Variants in PFKP observed in about 807,000 individuals in gnomAD.
The protein encoded by PFKP is phosphofructokinase, platelet, also known as ATP-dependent 6-phosphofructokinase, platelet type.
Under a neutral mutation model 94.3 loss-of-function variants are expected in PFKP, and 101 were observed. The observed-to-expected ratio is 1.07, with a 90% CI of 0.91 to 1.26. The LOEUF is 1.26. Among genes scored for constraint, PFKP ranks in the 50% most tolerant of loss-of-function variants. PFKP has a pLI of 0.00. For missense variants in PFKP, 1,145 were observed against 1,103.3 expected (o/e 1.04, Z -0.53); for synonymous variants, 573 against 432.6 (o/e 1.32, Z -4.03).
At chr10:3,124,330 G>C (rs888995047) in intron 16 of PFKP, among the ~76,000 whole-genome samples, 1 of 152,212 alleles carries the variant, frequency 6.6e-6, no homozygotes, top group Admixed American at 6.5e-5. Context: ...GGGAACAGTG[G>C]GCGTGTGGAC....
intron 2 of PFKP, among the ~76,000 whole-genome samples, chr10:3,097,230 A>G (rs1389490701): frequency 6.6e-6 from 1 of 151,770 alleles, no homozygotes; most frequent in African/African-American, 2.4e-5. Flanking sequence ...ATGGCCTCCA[A>G]GAGTCATTCA....
At chr10:3,087,923 G>A (rs189034695) in intron 2 of PFKP, among the ~76,000 whole-genome samples, 228 of 148,510 alleles carry the variant, frequency 1.5e-3, no homozygotes, top group African/African-American at 5.4e-3. Context: ...AATAAATGTT[G>A]AATCCATTTA....
At chr10:3,129,785 G>T in intron 16 of PFKP, 34 bp from the exon 17 acceptor site, 1 of 1,610,886 alleles carries the variant, frequency 6.2e-7, no homozygotes, top group South Asian at 1.1e-5. Flanking sequence ...CCCCGGGCCT[G>T]GGCTGGAGTG....
chr10:3,130,849 G>A (rs761534069), intron 17 of PFKP, among the ~76,000 whole-genome samples: 40 of 152,294 alleles, frequency 2.6e-4, no homozygotes, highest in Non-Finnish European at 4.6e-4. Flanking sequence ...GAGCCACCGC[G>A]CCCAGCACCA....
chr10:3,071,097 G>A (rs1284971758), intron 1 of PFKP, among the ~76,000 whole-genome samples: 1 of 151,992 alleles, frequency 6.6e-6, no homozygotes, highest in African/African-American at 2.4e-5. Context: ...TGGTGAAGCT[G>A]CTTTATCTAG....
At chr10:3,084,849 C>T (rs1243059400) in intron 2 of PFKP, among the ~76,000 whole-genome samples, 5 of 147,916 alleles carry the variant, frequency 3.4e-5, no homozygotes, top group East Asian at 2.0e-4. Context: ...GTCCTCCACC[C>T]CCTCCCCAGC....
intron 2 of PFKP, among the ~76,000 whole-genome samples, chr10:3,090,889 T>C (rs1197468429): frequency 1.3e-5 from 2 of 152,174 alleles, no homozygotes; most frequent in African/African-American, 4.8e-5. Context: ...TCACCTATAC[T>C]CTAGTTTCTA....
chr10:3,077,561 T>C (rs7080058), intron 1 of PFKP, among the ~76,000 whole-genome samples: 118,791 of 151,690 alleles, frequency 0.78, 46,903 homozygotes, highest in Non-Finnish European at 0.84. Flanking sequence ...GCATCGTGCC[T>C]GGCCTATTCC....
chr10:3,091,100 A>C (rs909962048), intron 2 of PFKP, among the ~76,000 whole-genome samples: 2 of 152,006 alleles, frequency 1.3e-5, no homozygotes, highest in Non-Finnish European at 2.9e-5. Context: ...AACCTGGGCC[A>C]AGCCTACGTG....
chr10:3,136,677 T>C lies in PFKP; in HGVS notation c.*98T>C. ...GCACTTTATGCACGTATTATTGACATTAATACCTAATCGGCGAGTGCCCAT... is the reference window on the plus strand; with the variant it reads ...GCACTTTATGCACGTATTATTGACACTAATACCTAATCGGCGAGTGCCCAT... On this transcript the variant is annotated 3_prime_UTR_variant, in exon 22 of 22. Transcript: ENST00000381125. 7.6e-7 allele frequency: 1 copy of C among 1,323,870 alleles called. No individual in the cohort carries two copies. The highest frequency in any genetic ancestry group is 2.5e-5 in the East Asian group (1 of 39,246). 82.0% of individuals were successfully genotyped at this position (1,323,870 alleles called of 1,614,324 possible).
intron 15 of PFKP, 36 bp from the exon 16 acceptor site, chr10:3,119,856 C>G (rs758962586): frequency 6.2e-7 from 1 of 1,610,014 alleles, no homozygotes; most frequent in South Asian, 1.1e-5. Context: ...TCCCCAGCTT[C>G]CCTCTCGCCC....
rs1588389844 is a variant in PFKP at position 3,077,189 on chromosome 10, G to C, written c.113-5199G>C. On this transcript the variant is annotated intron_variant, in intron 1 of 21. Transcript: ENST00000381125. Reference sequence around the variant, plus strand: ...CGAGGCAGGGAGCTTTATTACTCCAGACAATGGAGGAGGTAAAAGATAGAC... The same window carrying C: ...CGAGGCAGGGAGCTTTATTACTCCACACAATGGAGGAGGTAAAAGATAGAC... Among the ~76,000 whole-genome samples the C allele has an allele frequency of 2.0e-5, 3 of 150,906 alleles. No individual in the cohort carries two copies. In the East Asian group the frequency reaches 5.8e-4, roughly 29 times the overall value.
At chr10:3,114,804 C>A (rs958064733) in intron 13 of PFKP, among the ~76,000 whole-genome samples, 5 of 152,238 alleles carry the variant, frequency 3.3e-5, no homozygotes, top group Non-Finnish European at 7.3e-5. Context: ...GCAGGGCCGG[C>A]TTCTTTGTGG....
chr10:3,071,353 G>A (rs1477022115), intron 1 of PFKP, among the ~76,000 whole-genome samples: 1 of 147,426 alleles, frequency 6.8e-6, no homozygotes, highest in Non-Finnish European at 1.5e-5. Context: ...AATGAAGAAA[G>A]TATTTCTCAG....
chr10:3,110,887 T>C (rs1240369532), intron 10 of PFKP, among the ~76,000 whole-genome samples: 1 of 139,728 alleles, frequency 7.2e-6, no homozygotes, highest in East Asian at 2.0e-4. Context: ...TGCATGTATG[T>C]GTGTGCATGT....
At chr10:3,070,751 G>A (rs564609767) in intron 1 of PFKP, among the ~76,000 whole-genome samples, 2 of 152,234 alleles carry the variant, frequency 1.3e-5, no homozygotes, top group East Asian at 3.9e-4. Context: ...ACCACGAAGA[G>A]TACTTATGTC....
intron 1 of PFKP, among the ~76,000 whole-genome samples, chr10:3,068,285 T>C (rs113895425): frequency 0.039 from 5,951 of 152,236 alleles, 181 homozygotes; most frequent in Non-Finnish European, 0.056. Flanking sequence ...GGCGGGGTCC[T>C]GGCTGCTGCA....
intron 2 of PFKP, among the ~76,000 whole-genome samples, chr10:3,096,525 T>C (rs1243549373): frequency 6.6e-6 from 1 of 152,100 alleles, no homozygotes; most frequent in Non-Finnish European, 1.5e-5. Flanking sequence ...TCTGCTGCAG[T>C]TCAGGCCCCA....
chr10:3,126,735 A>G (rs1210975500), intron 16 of PFKP, among the ~76,000 whole-genome samples: 1 of 152,196 alleles, frequency 6.6e-6, no homozygotes, highest in African/African-American at 2.4e-5. Flanking sequence ...TTCTTTCACC[A>G]CCAATTTATA....
Sources: allele counts gnomAD v4.1 joint callset (sites outside exome capture counted in the v4.1 genomes callset), GRCh38; gene constraint gnomAD v4.1.1; transcripts MANE v1.5; gene names NCBI Gene and HGNC (gene_info 2026-07-23, HGNC 2026-07-21).